Variants in RYR1 observed in about 807,000 individuals in gnomAD.
The protein encoded by RYR1 is central core disease of muscle.
In RYR1, 342 loss-of-function variants were observed where a neutral mutation model predicts 583.5. The ratio of observed to expected loss-of-function variants is 0.59; its 90% CI spans 0.54 to 0.64. RYR1 has a LOEUF of 0.64. RYR1 is among the 30% of genes least tolerant of loss of function. The pLI is 0.00. For missense variants in RYR1, 6,032 were observed against 6,917.2 expected, an observed-to-expected ratio of 0.87 and a Z score of 4.54; for synonymous variants, 2,791 against 2,822.5, an observed-to-expected ratio of 0.99 and a Z score of 0.35.
chr19:38,580,543 C>T (rs907529353), intron 101 of RYR1, 39 bp downstream of exon 101: 13 of 1,612,292 alleles, frequency 8.1e-6, no homozygotes, highest in South Asian at 1.1e-5. Context: ...CCTTCCTTCT[C>T]GCATCTGTTG....
rs1600787253 is a variant in RYR1 at position 38,490,220 on chromosome 19, A to C, written c.5959A>C (p.Thr1987Pro). Residue 1987 changes from threonine (T) to proline (P), a missense_variant, in exon 36 of 106, where the codon ACC becomes CCC. Thr to Pro is a conservative substitution (Grantham distance 38). Around this residue, in one of 11 missense-constraint regions of RYR1, gnomAD observed 2,627 missense variants for 2,961.3 expected, o/e 0.89. Transcript: ENST00000359596. Reference protein sequence around the residue: ...YGLLIKAFSMTAAETARRTRE... With the variant: ...YGLLIKAFSMPAAETARRTRE... ...CCTCCTCATAAAAGCCTTCAGCATG[A>C]CCGCAGCAGAGACTGCAAGACGTAC... 1 of 1,614,132 alleles carries C rather than the reference A, an allele frequency of 6.2e-7. No homozygotes were observed. The highest frequency in any genetic ancestry group is 8.5e-7 in the Non-Finnish European group (1 of 1,180,038).
chr19:38,587,082 C>T (rs1974525883), intron 105 of RYR1, among the ~76,000 whole-genome samples: 1 of 152,102 alleles, frequency 6.6e-6, no homozygotes. Context: ...AGCCTAGGAA[C>T]ACAGCGAGAC....
chr19:38,474,113 C>T (rs1007560659), intron 28 of RYR1, among the ~76,000 whole-genome samples: 1 of 152,216 alleles, frequency 6.6e-6, no homozygotes, highest in Non-Finnish European at 1.5e-5. Context: ...GAGTTTACTG[C>T]ACAGTAAGGT....
intron 95 of RYR1, 144 bp from the exon 96 acceptor site, chr19:38,573,033 G>A (rs1443983146): frequency 7.4e-7 from 1 of 1,344,352 alleles, no homozygotes; most frequent in Non-Finnish European, 1.0e-6. Flanking sequence ...CCTCTGCCTG[G>A]GCCTCATTTC....
chr19:38,521,373 A>G (rs1482216750), intron 67 of RYR1, among the ~76,000 whole-genome samples: 1 of 147,060 alleles, frequency 6.8e-6, no homozygotes, highest in African/African-American at 2.5e-5. Context: ...ACCCTGTCTC[A>G]AAAAAAAAAG....
Position 38,466,095 on chromosome 19 carries a change from A to G in RYR1, c.2875A>G (p.Met959Val). The G allele has an allele frequency of 6.2e-7, 1 of 1,609,522 alleles. No homozygotes were observed. The highest frequency in any genetic ancestry group is 8.5e-7 in the Non-Finnish European group (1 of 1,178,272). Residue 959 changes from methionine (M) to valine (V), a missense_variant, in exon 24 of 106, where the codon ATG becomes GTG. Physicochemically the swap from Met to Val is conservative, Grantham distance 21. Coordinates refer to ENST00000359596, the MANE Select transcript of RYR1 (RefSeq NM_000540.3). ...LKKTKLPKTY[M>V]MSNGYKPAPL... Reference sequence around the variant, plus strand: ...GGAGCCCTACCATGCCCGCAGGTATATGATGAGCAATGGGTACAAGCCGGC... The same window carrying G: ...GGAGCCCTACCATGCCCGCAGGTATGTGATGAGCAATGGGTACAAGCCGGC...
At position 38,500,511 on chromosome 19, in the gene RYR1, T is replaced by G; in HGVS notation, c.7324-95T>G. On this transcript the variant is annotated intron_variant, in intron 45 of 105. Coordinates refer to ENST00000359596, the MANE Select transcript of RYR1 (RefSeq NM_000540.3). This position sits in a 1 kb window ranked among gnomAD's most constrained non-coding sequence, Gnocchi z 5.9. ...ACAGCCTCCTGAGAAAGAGGCCTGC[T>G]CTACCCTCCTGTGTGGTAAGGGAGG... is the stretch of plus-strand genomic sequence containing the variant. The G allele has an allele frequency of 6.4e-7, 1 of 1,571,234 alleles. No individual in the cohort carries two copies. The highest frequency in any genetic ancestry group is 1.1e-5 in the South Asian group (1 of 89,886).
chr19:38,465,503 G>T (rs907003714), intron 23 of RYR1, among the ~76,000 whole-genome samples: 1 of 151,902 alleles, frequency 6.6e-6, no homozygotes, highest in African/African-American at 2.4e-5. Flanking sequence ...AGTCGCTCAC[G>T]CCTGTAATCC....
In RYR1 at chr19:38,496,832, A is replaced by G; in HGVS notation, c.6797-28A>G. 1.9e-6 allele frequency: 3 copies of G among 1,597,698 alleles called. No homozygotes were observed. Among genetic ancestry groups the G allele is most frequent in the Non-Finnish European group, 2.6e-6 (3 of 1,165,872 alleles). On this transcript the variant is annotated intron_variant, in intron 41 of 105. Coordinates refer to ENST00000359596, the MANE Select transcript of RYR1 (RefSeq NM_000540.3). This position sits in a 1 kb window ranked among gnomAD's most constrained non-coding sequence, Gnocchi z 4.8. ...AGGAGGCGAGACAAGCAGGAGTGAG[A>G]TGTTCTCCCCACCTCTCGCCCCTGC...
chr19:38,477,904 G>T lies in RYR1; in HGVS notation c.4454+34G>T, dbSNP rs575263539. On this transcript the variant is annotated intron_variant, in intron 30 of 105. Transcript: ENST00000359596. Reference sequence around the variant, plus strand: ...GCTGGGGGGAGGTGGGAGGTGCAGGGTGGGGAGGGCAGGAGGCAGTCAGAG... The same window carrying T: ...GCTGGGGGGAGGTGGGAGGTGCAGGTTGGGGAGGGCAGGAGGCAGTCAGAG... The T allele has an allele frequency of 2.6e-5, 37 of 1,449,550 alleles. No homozygotes were observed. The East Asian group carries it at 6.8e-4, about 27-fold the overall frequency. 89.8% of individuals were successfully genotyped at this position (1,449,550 alleles called of 1,614,324 possible).
intron 38 of RYR1, among the ~76,000 whole-genome samples, chr19:38,494,015 T>C (rs1051560387): frequency 6.6e-6 from 1 of 151,988 alleles, no homozygotes; most frequent in Non-Finnish European, 1.5e-5. Flanking sequence ...TAGAAAAAAG[T>C]TTGCCAGGCT....
At chr19:38,530,987 C>CTTTTTTTTTTTTTTTTT (rs59244176) in intron 76 of RYR1, among the ~76,000 whole-genome samples, 9 of 129,370 alleles carry the variant, frequency 7.0e-5, no homozygotes, top group South Asian at 2.5e-4. Flanking sequence ...TTTTCTTTCT[C>CTTTTTTTTTTTTTTTTT]TTTTTTTTTT....
chr19:38,543,039 A>G lies in RYR1; in HGVS notation c.11690-308A>G, dbSNP rs1024032723. Among the ~76,000 whole-genome samples, 2 of 151,448 alleles carry G rather than the reference A, an allele frequency of 1.3e-5. No individual in the cohort carries two copies. The highest frequency in any genetic ancestry group is 2.4e-5 in the African/African-American group (1 of 41,166). ...GTATTTTTAGTAGAGACGGGGTTTC[A>G]CCATGTTGGTCAGGCTGGTCTCAAA... On this transcript the variant is annotated intron_variant, in intron 84 of 105. Transcript: ENST00000359596. This position sits in a 1 kb window ranked among gnomAD's most constrained non-coding sequence, Gnocchi z 4.4.
At position 38,564,975 on chromosome 19, in the gene RYR1, G is replaced by A. The variant is rs370527763; in HGVS notation, c.12641G>A (p.Arg4214His). 1.9e-6 allele frequency: 3 copies of A among 1,587,846 alleles called. No individual in the cohort carries two copies. The highest frequency in any genetic ancestry group is 1.2e-5 in the South Asian group (1 of 86,842). The change falls in exon 91 of 106, where the codon CGC (arginine) becomes CAC (histidine). Residue 4214 changes from arginine (R) to histidine (H), a missense_variant. Physicochemically the swap from Arg to His is conservative, Grantham distance 29. Around this residue, in one of 11 missense-constraint regions of RYR1, gnomAD observed 753 missense variants for 759.6 expected, o/e 0.99. Coordinates refer to ENST00000359596, the MANE Select transcript of RYR1 (RefSeq NM_000540.3). ...WEMPQVKESK[R>H]QFIFDVVNEG... is the part of the protein sequence containing the mutation. ...TCGCTTCAGGTGAAGGAGTCCAAGCGCCAGTTCATCTTCGACGTGGTGAAC... is the reference window on the plus strand; with the variant it reads ...TCGCTTCAGGTGAAGGAGTCCAAGCACCAGTTCATCTTCGACGTGGTGAAC...
rs1973364643 is a variant in RYR1, at chr19:38,565,467, A to G, written c.13133A>G (p.Glu4378Gly). ...VEGAKKVTVTELLAGMPDPTS... is the reference protein window; with the variant it reads ...VEGAKKVTVTGLLAGMPDPTS... ...GGCGCCAAGAAGGTGACGGTGACCG[A>G]GCTCCTGGCAGGCATGCCCGACCCC... The change falls in exon 91 of 106, where the codon GAG (glutamate) becomes GGG (glycine). Residue 4378 changes from glutamate to glycine, a missense_variant. Transcript: ENST00000359596. The surrounding 1 kb of genome is among the most constrained non-coding windows in gnomAD (Gnocchi z 4.7). The G allele has an allele frequency of 1.3e-6, 2 of 1,502,540 alleles. No homozygotes were observed. The highest frequency in any genetic ancestry group is 4.2e-5 in the Admixed American group (2 of 47,792). The allele number at this position is 1,502,540 out of a possible 1,614,324, so 93.1% of individuals were successfully genotyped here.
At chr19:38,529,297 A>G (rs1182040148) in intron 76 of RYR1, among the ~76,000 whole-genome samples, 1 of 152,222 alleles carries the variant, frequency 6.6e-6, no homozygotes, top group African/African-American at 2.4e-5. Flanking sequence ...CCTGGCCAAT[A>G]TGGCAAAACC....
intron 66 of RYR1, among the ~76,000 whole-genome samples, chr19:38,518,276 A>G (rs955339231): frequency 3.9e-5 from 6 of 152,040 alleles, no homozygotes; most frequent in African/African-American, 1.2e-4. Flanking sequence ...GTTTCATGTC[A>G]GGGCCAGGCA....
chr19:38,524,791 T>G (rs1971396940), intron 70 of RYR1, among the ~76,000 whole-genome samples: 1 of 152,210 alleles, frequency 6.6e-6, no homozygotes, highest in Non-Finnish European at 1.5e-5. Context: ...CCTGCATCTT[T>G]GTTTCATTCT....
intron 71 of RYR1, 122 bp from the exon 72 acceptor site, chr19:38,526,871 C>T: frequency 9.7e-7 from 1 of 1,030,362 alleles, no homozygotes; most frequent in Non-Finnish European, 1.5e-6. Flanking sequence ...CTCTCAGACC[C>T]CCACCCCCAC....
Sources: allele counts gnomAD v4.1 joint callset (sites outside exome capture counted in the v4.1 genomes callset), GRCh38; gene constraint gnomAD v4.1.1; regional missense constraint gnomAD v4.1.1; non-coding constraint Gnocchi (gnomAD v3.1); transcripts MANE v1.5; gene names NCBI Gene and HGNC (gene_info 2026-07-23, HGNC 2026-07-21).